TRAP1: variants seen among roughly 807,000 people sequenced by gnomAD.
TRAP1 encodes TNF receptor associated protein 1, also known as heat shock protein 75 kDa, mitochondrial.
TRAP1 carries 102 observed loss-of-function variants against 89.1 expected under a neutral mutation model. That is an observed-to-expected ratio of 1.15 (90% CI 0.98 to 1.35). The LOEUF (loss-of-function observed/expected upper bound fraction) is 1.35, where lower values mean the gene tolerates loss of function less well. Among genes scored for constraint, TRAP1 ranks in the 40% most tolerant of loss-of-function variants. The pLI is 0.00. For missense variants in TRAP1, 1,256 were observed against 945.3 expected (o/e 1.33, Z -4.31); for synonymous variants, 508 against 388.0 (o/e 1.31, Z -3.64).
At chr16:3,677,369 G>T in intron 6 of TRAP1, 129 bp downstream of exon 6, 1 of 1,253,568 alleles carries the variant, frequency 8.0e-7, no homozygotes, top group Non-Finnish European at 1.1e-6. Context: ...CAAAATGGGA[G>T]AGTCAGATTT....
intron 11 of TRAP1, among the ~76,000 whole-genome samples, chr16:3,671,485 C>G (rs1443146669): frequency 2.0e-5 from 3 of 152,176 alleles, no homozygotes; most frequent in Non-Finnish European, 4.4e-5. Flanking sequence ...CGGCCCCTCC[C>G]CCTATCCAGA....
At chr16:3,713,140 A>C (rs1487233603) in intron 1 of TRAP1, among the ~76,000 whole-genome samples, 1 of 152,214 alleles carries the variant, frequency 6.6e-6, no homozygotes, top group Non-Finnish European at 1.5e-5. Flanking sequence ...ACTGACCAGC[A>C]AGTACTACTC....
intron 1 of TRAP1, among the ~76,000 whole-genome samples, chr16:3,697,477 A>G (rs2051305208): frequency 6.6e-6 from 1 of 151,958 alleles, no homozygotes; most frequent in South Asian, 2.1e-4. Context: ...ATCCTGGCTA[A>G]CACGGTGAAA....
intron 11 of TRAP1, 24 bp from the exon 12 acceptor site, chr16:3,666,142 T>TA: frequency 6.2e-7 from 1 of 1,604,882 alleles, no homozygotes; most frequent in Non-Finnish European, 8.5e-7. Flanking sequence ...ATGCATTTAA[T>TA]ACATACAAGC....
intron 11 of TRAP1, among the ~76,000 whole-genome samples, chr16:3,669,576 T>C (rs936563551): frequency 1.3e-4 from 20 of 151,838 alleles, no homozygotes; most frequent in Non-Finnish European, 2.5e-4. Context: ...GGCTCACACC[T>C]GTAATCCCAG....
At position 3,674,683 on chromosome 16, in the gene TRAP1, C is replaced by G. The variant is rs1039834284; in HGVS notation, c.889-189G>C. On this transcript the variant is annotated intron_variant, in intron 8 of 17. Transcript: ENST00000246957. ...TGCCGGGTAGTGCAGGGGAGACACA[C>G]AAGGCTCTGGGGCAGGAGCTCCTCA... 18 of 672,944 alleles carry G rather than the reference C, an allele frequency of 2.7e-5. No homozygotes were observed. In the South Asian group the frequency reaches 2.7e-4, roughly 10 times the overall value. 41.7% of individuals were successfully genotyped at this position (672,944 alleles called of 1,614,324 possible).
At chr16:3,702,043 A>T (rs1452308079) in intron 1 of TRAP1, among the ~76,000 whole-genome samples, 1 of 152,148 alleles carries the variant, frequency 6.6e-6, no homozygotes, top group African/African-American at 2.4e-5. Flanking sequence ...CCCTGTCTCT[A>T]CTAAAAATAC....
At chr16:3,673,577 G>A (rs1212558972) in intron 9 of TRAP1, among the ~76,000 whole-genome samples, 1 of 134,494 alleles carries the variant, frequency 7.4e-6, no homozygotes, top group Non-Finnish European at 1.7e-5. Flanking sequence ...GTTAAAATGC[G>A]GGGAGATCTT....
chr16:3,712,281 G>A (rs1406905392), intron 1 of TRAP1, among the ~76,000 whole-genome samples: 1 of 33,556 alleles, frequency 3.0e-5, no homozygotes, highest in Non-Finnish European at 5.0e-5. Context: ...GAAAGAATCT[G>A]TCTCAAAAAA....
Position 3,662,203 on chromosome 16 carries a change from G to T in TRAP1, c.1795-71C>A, listed in dbSNP as rs913791393. On this transcript the variant is annotated intron_variant, in intron 15 of 17. Transcript: ENST00000246957. The stretch of plus-strand genomic sequence containing the variant: ...GAGAGGGCTGGCAGGATCTTACCAG[G>T]GGTGAAGGTCACCCAGACCACGAGG... The T allele has an allele frequency of 1.2e-5, 18 of 1,550,494 alleles. No individual in the cohort carries two copies. In the African/African-American group the frequency reaches 2.2e-4, roughly 19 times the overall value.
intron 12 of TRAP1, chr16:3,664,752 A>T (rs2050789080): frequency 2.7e-6 from 1 of 374,954 alleles, no homozygotes; most frequent in South Asian, 3.2e-5. Context: ...CCAACAGCAG[A>T]GCCCGGCCTG....
rs374173421 is a variant in TRAP1, at chr16:3,704,636, C to A, written c.88+12785G>T. ...AGATCCAGGCAGGAGGAGGCTCCCT[C>A]GAGCTCAGGAGCTCGAGGCCAGCCT... is the stretch of plus-strand genomic sequence containing the variant. On this transcript the variant is annotated intron_variant, in intron 1 of 17. Transcript: ENST00000246957. Among the ~76,000 whole-genome samples, 140 of 152,234 alleles carry A rather than the reference C, an allele frequency of 9.2e-4. 2 individuals are homozygous for A. The East Asian group carries it at 0.019, about 21-fold the overall frequency.
At chr16:3,674,240 C>T in intron 9 of TRAP1, 99 bp downstream of exon 9, 1 of 1,488,926 alleles carries the variant, frequency 6.7e-7, no homozygotes, top group Non-Finnish European at 9.1e-7. Context: ...TTTTTCATGC[C>T]CTCACACTGC....
chr16:3,690,854 T>C lies in TRAP1; in HGVS notation c.220A>G (p.Ile74Val), dbSNP rs924019335. The C allele has an allele frequency of 6.4e-7, 1 of 1,554,670 alleles. No homozygotes were observed. Among genetic ancestry groups the C allele is most frequent in the Admixed American group, 1.9e-5 (1 of 52,262 alleles). Residue 74 changes from isoleucine (I) to valine (V), a missense_variant, in exon 2 of 18, where the codon ATT (isoleucine) becomes GTT (valine). Transcript: ENST00000246957. ...TGCACGCTCTCTGTGCTGCTGATAA[T>C]CGAGTGCAGGGGTTCCTCCTTGTCC... is the stretch of plus-strand genomic sequence containing the variant. ...AEDKEEPLHS[I>V]ISSTESVQGS...
intron 1 of TRAP1, among the ~76,000 whole-genome samples, chr16:3,708,159 C>A (rs1476614000): frequency 1.3e-5 from 2 of 152,050 alleles, no homozygotes; most frequent in African/African-American, 4.8e-5. Context: ...GATCGCACAA[C>A]TGCACTCCAG....
At chr16:3,658,967 ACTGT>A (rs576945253) in intron 16 of TRAP1, 102 bp from the exon 17 acceptor site, 2 of 1,191,510 alleles carry the variant, frequency 1.7e-6, no homozygotes, top group African/African-American at 1.5e-5. Context: ...GCACAGTAAG[ACTGT>A]CTGTAGTTTT....
intron 11 of TRAP1, among the ~76,000 whole-genome samples, chr16:3,666,699 T>G (rs186425392): frequency 1.3e-5 from 2 of 152,164 alleles, no homozygotes; most frequent in African/African-American, 4.8e-5. Flanking sequence ...ACATTCTACA[T>G]GTACATAACA....
At position 3,663,523 on chromosome 16, in the gene TRAP1, G is replaced by T; in HGVS notation, c.1609C>A (p.Leu537Met). The change falls in exon 14 of 18, where the codon CTG becomes ATG. Residue 537 changes from leucine to methionine, a missense_variant. Physicochemically the swap from Leu to Met is conservative, Grantham distance 15 (BLOSUM62 2). Transcript: ENST00000246957. ...CFEQFDELTLLHLREFDKKKL... is the reference protein window; with the variant it reads ...CFEQFDELTLMHLREFDKKKL... ...TTCTTGTCAAACTCACGAAGGTGCA[G>T]CAGGGTGAGCTCATCAAACTGCTCA... 6.2e-7 allele frequency: 1 copy of T among 1,614,156 alleles called. No individual in the cohort carries two copies.
chr16:3,666,883 T>G (rs893030870), intron 11 of TRAP1, among the ~76,000 whole-genome samples: 6 of 152,220 alleles, frequency 3.9e-5, no homozygotes, highest in African/African-American at 1.4e-4. Context: ...TCACTGGGAC[T>G]AGGGATATTT....
Sources: gnomAD v4.1 joint callset for allele counts (sites outside exome capture counted in the v4.1 genomes callset) on GRCh38, gnomAD v4.1.1 for gene constraint, MANE v1.5 for transcripts, NCBI Gene and HGNC (gene_info 2026-07-23, HGNC 2026-07-21) for gene names.